The following SYNE2 variants were observed in gnomAD, a reference collection of about 807,000 sequenced individuals.
SYNE2 encodes spectrin repeat containing nuclear envelope protein 2.
A neutral mutation model predicts 856.3 loss-of-function variants in SYNE2; 431 were observed. The observed-to-expected ratio is 0.50, with a 90% confidence interval of 0.47 to 0.55. The LOEUF (loss-of-function observed/expected upper bound fraction) is 0.55, where lower values mean the gene tolerates loss of function less well. Among genes scored for constraint, SYNE2 ranks in the 20% least tolerant of loss-of-function variants. The pLI, the probability that SYNE2 is intolerant of heterozygous loss-of-function variation, is 0.00. For missense variants in SYNE2, 8,129 were observed against 8,023.2 expected (o/e 1.01, Z -0.50); for synonymous variants, 2,923 against 2,872.3 (o/e 1.02, Z -0.56).
intron 2 of SYNE2, among the ~76,000 whole-genome samples, chr14:63,913,470 T>C (rs199813708): frequency 1.6e-5 from 2 of 127,838 alleles, no homozygotes; most frequent in African/African-American, 6.3e-5. Context: ...TTCTTTCTTT[T>C]TTTTTTTTCT....
At position 63,990,956 on chromosome 14, in the gene SYNE2, A is replaced by G. The variant is rs751368683; in HGVS notation, c.2487A>G (p.Lys829=). 15 of 1,614,002 alleles carry G rather than the reference A, an allele frequency of 9.3e-6. No individual in the cohort carries two copies. The East Asian group carries it at 3.3e-4, about 36-fold the overall frequency. The change falls in exon 21 of 116, where the codon AAA becomes AAG. Residue 829 remains lysine (K), a synonymous_variant. Coordinates refer to ENST00000555002, the MANE Select transcript of SYNE2 (RefSeq NM_182914.3). ...AKEKVQINVV[K]LIAALKNLTD... is the part of the protein sequence containing the mutation. ...TTGTCTTCAAGATCAATGTGGTAAAACTCATTGCAGCGTTGAAGAACTTAA... is the reference window on the plus strand; with the variant it reads ...TTGTCTTCAAGATCAATGTGGTAAAGCTCATTGCAGCGTTGAAGAACTTAA...
Position 64,053,508 on chromosome 14 carries a change from GTT to G in SYNE2, c.9597_9598del (p.Trp3200GlyfsTer5). The G allele has an allele frequency of 6.2e-7, 1 of 1,614,236 alleles. No homozygotes were observed. The highest frequency in any genetic ancestry group is 1.3e-5 in the African/African-American group (1 of 75,064). ...CAATTGTGAAGCATTTCAGGAGCAAGTTTGGGCAGAAATGTGTAGTATTAAAG... is the reference window on the plus strand; with the variant it reads ...CAATTGTGAAGCATTTCAGGAGCAAGTGGGCAGAAATGTGTAGTATTAAAG... ...KDNCEAFQEQ[V>X]WAEMCSIKAV... On this transcript the variant is annotated frameshift_variant, in exon 48 of 116. Transcript: ENST00000555002. LOFTEE classifies it high-confidence loss of function.
At chr14:63,833,644 A>G (rs552064622) in intron 1 of SYNE2, among the ~76,000 whole-genome samples, 1 of 152,310 alleles carries the variant, frequency 6.6e-6, no homozygotes, top group Admixed American at 6.5e-5. Flanking sequence ...TAGATTCCCA[A>G]TTCTGTTTCC....
chr14:63,939,224 G>A (rs1300784128), intron 2 of SYNE2, among the ~76,000 whole-genome samples: 1 of 152,134 alleles, frequency 6.6e-6, no homozygotes, highest in African/African-American at 2.4e-5. Flanking sequence ...CTGAAAATCA[G>A]GGGGTAGAGG....
intron 1 of SYNE2, among the ~76,000 whole-genome samples, chr14:63,818,800 G>A (rs566507193): frequency 8.7e-5 from 13 of 148,718 alleles, no homozygotes; most frequent in Non-Finnish European, 1.3e-4. Flanking sequence ...CCAGGTTCAC[G>A]CCATTCTCCT....
intron 1 of SYNE2, among the ~76,000 whole-genome samples, chr14:63,880,729 G>C (rs1027320472): frequency 6.7e-6 from 1 of 148,496 alleles, no homozygotes; most frequent in South Asian, 2.1e-4. Flanking sequence ...CTGGAGTACA[G>C]TGGTGTAATC....
rs1277749111 is a variant in SYNE2, at chr14:63,978,881, T to C, written c.1436T>C (p.Ile479Thr). 6.2e-7 allele frequency: 1 copy of C among 1,613,342 alleles called. No homozygotes were observed. Among genetic ancestry groups the C allele is most frequent in the East Asian group, 2.2e-5 (1 of 44,804 alleles). ...AACAACATTTTGGAGAAAAAATTTA[T>C]TCTACTTCTAGAATTTCATTACTAC... ...RINNILEKKFILLLEFHYYKC... is the reference protein window; with the variant it reads ...RINNILEKKFTLLLEFHYYKC... Residue 479 changes from isoleucine (I) to threonine (T), a missense_variant, in exon 14 of 116, where the codon ATT (isoleucine) becomes ACT (threonine). Transcript: ENST00000555002.
intron 112 of SYNE2, among the ~76,000 whole-genome samples, chr14:64,222,522 T>C (rs930668494): frequency 2.6e-5 from 4 of 152,142 alleles, no homozygotes; most frequent in African/African-American, 9.7e-5. Context: ...CTGGCCAACA[T>C]GGTGAAACCC....
intron 1 of SYNE2, among the ~76,000 whole-genome samples, chr14:63,835,943 G>C (rs983762211): frequency 6.8e-6 from 1 of 146,998 alleles, no homozygotes; most frequent in Non-Finnish European, 1.5e-5. Flanking sequence ...AGATCGTGCC[G>C]TTGCACTCCA....
intron 1 of SYNE2, among the ~76,000 whole-genome samples, chr14:63,832,729 C>A (rs1889714163): frequency 6.6e-6 from 1 of 151,684 alleles, no homozygotes; most frequent in South Asian, 2.1e-4. Flanking sequence ...GATAATTTTA[C>A]TGGTAAATAA....
rs1487194332 is a variant in SYNE2 at position 64,152,681 on chromosome 14, G to A, written c.15757G>A (p.Glu5253Lys). The A allele has an allele frequency of 6.2e-7, 1 of 1,614,104 alleles. No homozygotes were observed. Among genetic ancestry groups the A allele is most frequent in the South Asian group, 1.1e-5 (1 of 91,076 alleles). ...LLEDTASRID[E>K]LFQKRSSVLT... ...AGAAGATACAGCATCCCGAATTGAT[G>A]AGTTATTTCAAAAGAGAAGCAGTGT... The change falls in exon 85 of 116, where the codon GAG becomes AAG. Residue 5253 changes from glutamate (E) to lysine (K), a missense_variant. This residue lies in a region of SYNE2 where 5,410 missense variants were observed against 5,284.8 expected (regional missense o/e 1.02). Transcript: ENST00000555002.
In SYNE2 at chr14:64,219,113, T is replaced by G. The variant is rs998928985; in HGVS notation, c.19658-95T>G. 2.5e-3 allele frequency: 2,325 copies of G among 922,114 alleles called. 2 individuals are homozygous for G. The highest frequency in any genetic ancestry group is 3.0e-3 in the Non-Finnish European group (1,938 of 643,970). The allele number at this position is 922,114 out of a possible 1,614,324, so 57.1% of individuals were successfully genotyped here. A position where few individuals can be genotyped will look rare whatever the true frequency, so the allele number is the denominator to read the frequency against. On this transcript the variant is annotated intron_variant, in intron 109 of 115. Coordinates refer to ENST00000555002, the MANE Select transcript of SYNE2 (RefSeq NM_182914.3). Reference sequence around the variant, plus strand: ...CCCCTACAGTTTTTTTGTTTTTTTTTTTTTTTTTTTTAACCACCCTGACCC... The same window carrying G: ...CCCCTACAGTTTTTTTGTTTTTTTTGTTTTTTTTTTTAACCACCCTGACCC...
At chr14:64,190,001 A>AC (rs1402137390) in intron 98 of SYNE2, 70 bp from the exon 99 acceptor site, 1 of 1,543,936 alleles carries the variant, frequency 6.5e-7, no homozygotes, top group African/African-American at 1.4e-5. Context: ...AGGTAACTCT[A>AC]TGTCTGTGGC....
chr14:64,064,125 GATGAAATGAAGTGAGGTA>G (rs1313871107), intron 50 of SYNE2, among the ~76,000 whole-genome samples: 5 of 152,004 alleles, frequency 3.3e-5, no homozygotes, highest in Admixed American at 2.0e-4. Flanking sequence ...GAAGTGAGGT[GATGAAATGAAGTGAGGTA>G]ATGAAATGAA....
chr14:63,992,258 G>T (rs1486392556), intron 21 of SYNE2, among the ~76,000 whole-genome samples: 2 of 151,780 alleles, frequency 1.3e-5, no homozygotes, highest in African/African-American at 4.8e-5. Flanking sequence ...AAAAATAGAG[G>T]GTCCTAGTCT....
chr14:63,943,816 G>T (rs918500003), intron 6 of SYNE2, among the ~76,000 whole-genome samples: 1 of 151,686 alleles, frequency 6.6e-6, no homozygotes, highest in Non-Finnish European at 1.5e-5. Flanking sequence ...GATTACAGGT[G>T]CGCGCCACCA....
intron 1 of SYNE2, among the ~76,000 whole-genome samples, chr14:63,828,410 C>T (rs1186653973): frequency 1.3e-5 from 2 of 151,680 alleles, no homozygotes; most frequent in African/African-American, 2.4e-5. Context: ...GAGGCTGAGG[C>T]GGGTGGATCA....
chr14:64,138,100 G>T, intron 79 of SYNE2, 117 bp downstream of exon 79: 1 of 1,186,372 alleles, frequency 8.4e-7, no homozygotes, highest in Non-Finnish European at 1.2e-6. Flanking sequence ...TTCTTGGGCA[G>T]TCTAAAGCAG....
In SYNE2 at chr14:64,190,158, T is replaced by C. The variant is rs772035517; in HGVS notation, c.17959T>C (p.Ser5987Pro). Residue 5987 changes from serine to proline, a missense_variant, in exon 99 of 116, where the codon TCA becomes CCA. Physicochemically the swap from Ser to Pro is moderately conservative, Grantham distance 74. Transcript: ENST00000555002. ...GDQLIKASNK[S>P]RAAEIDDKLN... ...CCAGTTGATCAAGGCCAGCAACAAA[T>C]CAAGAGCAGCTGAGATCGATGACAA... The C allele has an allele frequency of 2.5e-5, 41 of 1,613,924 alleles. No homozygotes were observed. Among genetic ancestry groups the C allele is most frequent in the Non-Finnish European group, 3.4e-5 (40 of 1,179,998 alleles).
Sources: gnomAD v4.1 joint callset for allele counts (sites outside exome capture counted in the v4.1 genomes callset) on GRCh38, gnomAD v4.1.1 for gene constraint, gnomAD v4.1.1 regional missense constraint, MANE v1.5 for transcripts, NCBI Gene and HGNC (gene_info 2026-07-23, HGNC 2026-07-21) for gene names.